The following ANK3 variants were observed in gnomAD, a reference collection of about 807,000 sequenced individuals.
ANK3 encodes the protein ankyrin 3, also known as ankyrin-3.
ANK3 carries 57 observed loss-of-function variants against 370.9 expected under a neutral mutation model. The observed-to-expected ratio is 0.15, with a 90% CI of 0.12 to 0.19. The LOEUF (loss-of-function observed/expected upper bound fraction) is 0.19. Among genes scored for constraint, ANK3 ranks in the 10% least tolerant of loss-of-function variants. The pLI, the probability that ANK3 is intolerant of heterozygous loss-of-function variation, is 1.00. For missense variants in ANK3, 4,439 were observed against 5,302.1 expected (o/e 0.84, Z 5.06); for synonymous variants, 1,929 against 1,946.3 (o/e 0.99, Z 0.23).
At chr10:60,101,532 C>T (rs192267008) in intron 28 of ANK3, among the ~76,000 whole-genome samples, 1 of 152,232 alleles carries the variant, frequency 6.6e-6, no homozygotes, top group East Asian at 1.9e-4. Context: ...GCATCTTTTT[C>T]TTGGCTGAGA....
intron 1 of ANK3, among the ~76,000 whole-genome samples, chr10:60,362,362 C>T (rs1002710): frequency 0.61 from 92,044 of 152,006 alleles, 29,085 homozygotes; most frequent in South Asian, 0.76. Context: ...AGAATAATTC[C>T]TATGAATAGA....
At chr10:60,689,028 T>C (rs1402162901) in intron 1 of ANK3, among the ~76,000 whole-genome samples, 1 of 152,090 alleles carries the variant, frequency 6.6e-6, no homozygotes, top group Non-Finnish European at 1.5e-5. Flanking sequence ...TTAGCCACTA[T>C]GTAATGCTGA....
At chr10:60,395,606 T>TTCTTTCTTTCTTTCTTTCTTTCTC (rs2063214436) in intron 2 of ANK3, among the ~76,000 whole-genome samples, 1 of 108,106 alleles carries the variant, frequency 9.3e-6, no homozygotes, top group Admixed American at 1.1e-4. Flanking sequence ...CTTTCTTTCT[T>TTCTTTCTTTCTTTCTTTCTTTCTC]TCTCTCTTTC....
chr10:60,269,288 T>C (rs2097924569), intron 5 of ANK3, among the ~76,000 whole-genome samples: 1 of 152,226 alleles, frequency 6.6e-6, no homozygotes, highest in Non-Finnish European at 1.5e-5. Context: ...TAAATAATTA[T>C]TCTATTCTAG....
At chr10:60,675,945 A>C (rs754566719) in intron 1 of ANK3, among the ~76,000 whole-genome samples, 42 of 152,220 alleles carry the variant, frequency 2.8e-4, no homozygotes, top group Admixed American at 1.3e-4. Flanking sequence ...AGAATGAAAA[A>C]AAAAAGAATC....
intron 40 of ANK3, chr10:60,062,352 TTTA>T (rs1216324775): frequency 6.6e-6 from 1 of 152,118 alleles, no homozygotes; most frequent in African/African-American, 2.4e-5. Flanking sequence ...TAGGAAGATA[TTTA>T]TTATGTTTTT....
chr10:60,085,325 GTTC>G lies in ANK3; in HGVS notation c.3749-75_3749-73del, dbSNP rs1005876402. 54 of 1,209,948 alleles carry G rather than the reference GTTC, an allele frequency of 4.5e-5. No individual in the cohort carries two copies. The African/African-American group carries it at 8.1e-4, about 18-fold the overall frequency. The allele number at this position is 1,209,948 out of a possible 1,614,324, so 75.0% of individuals were successfully genotyped here. ...CCTTGTAAAATTTTCATCAGATCCT[GTTC>G]TTCTTTCTGCATAGCCACAAACTGG... On this transcript the variant is annotated intron_variant, in intron 30 of 43. Transcript: ENST00000280772.
rs191693311 is a variant in ANK3 at position 60,549,861 on chromosome 10, A to G, written c.96+65325T>C. Among the ~76,000 whole-genome samples the G allele has an allele frequency of 1.7e-3, 263 of 152,270 alleles. 4 individuals carry two copies. The highest frequency in any genetic ancestry group is 1.3e-3 in the East Asian group (7 of 5,190). Reference sequence around the variant, plus strand: ...GGCTTTAATGCATGATGGACTATTGATTGAAAGTTGTGAATTCTTTATAGA... The same window carrying G: ...GGCTTTAATGCATGATGGACTATTGGTTGAAAGTTGTGAATTCTTTATAGA... On this transcript the variant is annotated intron_variant, in intron 2 of 43. Transcript: ENST00000373827.
intron 1 of ANK3, among the ~76,000 whole-genome samples, chr10:60,700,579 A>G (rs1042691647): frequency 1.3e-5 from 2 of 152,320 alleles, no homozygotes; most frequent in East Asian, 1.9e-4. Context: ...ACATATTATC[A>G]AGTCTCTAAT....
At chr10:60,702,747 C>T (rs1259402408) in intron 1 of ANK3, among the ~76,000 whole-genome samples, 1 of 152,140 alleles carries the variant, frequency 6.6e-6, no homozygotes, top group African/African-American at 2.4e-5. Context: ...ATCAGAATAT[C>T]ATCATTTTGT....
At chr10:60,705,808 GT>G (rs34858011) in intron 1 of ANK3, among the ~76,000 whole-genome samples, 106 of 133,464 alleles carry the variant, frequency 7.9e-4, no homozygotes, top group Middle Eastern at 3.9e-3. Flanking sequence ...TCTACTAGAG[GT>G]TTTTTTTTTT....
At chr10:60,181,757 G>C (rs1007868318) in intron 17 of ANK3, among the ~76,000 whole-genome samples, 3 of 151,980 alleles carry the variant, frequency 2.0e-5, no homozygotes, top group Non-Finnish European at 2.9e-5. Context: ...AGTGAGTTGA[G>C]ATAGCGCCAT....
At chr10:60,067,407 A>G (rs1212739345) in intron 38 of ANK3, among the ~76,000 whole-genome samples, 1 of 152,220 alleles carries the variant, frequency 6.6e-6, no homozygotes, top group African/African-American at 2.4e-5. Context: ...AAGTGAGTTT[A>G]CTTAAAGAAG....
At position 60,625,553 on chromosome 10, in the gene ANK3, C is replaced by T. The variant is rs541657696; in HGVS notation, c.58-10329G>A. Among the ~76,000 whole-genome samples, 12 of 152,188 alleles carry T rather than the reference C, an allele frequency of 7.9e-5. No homozygotes were observed. The East Asian group carries it at 2.3e-3, about 29-fold the overall frequency. On this transcript the variant is annotated intron_variant, in intron 1 of 43. Transcript: ENST00000373827. Reference sequence around the variant, plus strand: ...CAGATTATCAAAATCAGTTTATTTCCCAAAGTACCTAATTTATGTGTTAAG... The same window carrying T: ...CAGATTATCAAAATCAGTTTATTTCTCAAAGTACCTAATTTATGTGTTAAG...
chr10:60,240,048 C>T (rs866115266), intron 7 of ANK3, among the ~76,000 whole-genome samples: 9 of 143,438 alleles, frequency 6.3e-5, no homozygotes, highest in East Asian at 4.0e-4. Flanking sequence ...CATATATATA[C>T]ATATATACAC....
chr10:60,073,170 A>G lies in ANK3; in HGVS notation c.7711T>C (p.Leu2571=), dbSNP rs1328756011. 2 of 1,613,928 alleles carry G rather than the reference A, an allele frequency of 1.2e-6. No homozygotes were observed. Among genetic ancestry groups the G allele is most frequent in the East Asian group, 2.2e-5 (1 of 44,862 alleles). Residue 2571 remains leucine, a synonymous_variant, in exon 37 of 44, where the codon TTG becomes CTG. Transcript: ENST00000280772. ...EDRLDRGREK[L]IYEDRVDRTV... ...CTGTCCACCCTATCTTCATATATCA[A>G]CTTCTCTCTACCTCTGTCTAATCTG...
At chr10:60,298,606 T>C (rs1340071620) in intron 1 of ANK3, among the ~76,000 whole-genome samples, 1 of 152,162 alleles carries the variant, frequency 6.6e-6, no homozygotes, top group Non-Finnish European at 1.5e-5. Flanking sequence ...CAGTCTGTCA[T>C]TTTATTACAC....
chr10:60,570,662 A>G (rs953998841), intron 2 of ANK3, among the ~76,000 whole-genome samples: 2 of 152,174 alleles, frequency 1.3e-5, no homozygotes, highest in African/African-American at 4.8e-5. Context: ...GGCAGTAAGG[A>G]GTTTAGAAGG....
intron 1 of ANK3, among the ~76,000 whole-genome samples, chr10:60,649,660 T>C (rs1332915150): frequency 6.6e-6 from 1 of 152,162 alleles, no homozygotes; most frequent in Non-Finnish European, 1.5e-5. Flanking sequence ...TACTGAGCCC[T>C]AGGAGGCCCC....
Sources: gnomAD v4.1 joint callset for allele counts (sites outside exome capture counted in the v4.1 genomes callset) on GRCh38, gnomAD v4.1.1 for gene constraint, MANE v1.5 for transcripts, NCBI Gene and HGNC (gene_info 2026-07-23, HGNC 2026-07-21) for gene names.